The following OXR1 variants were observed in gnomAD, a reference collection of about 807,000 sequenced individuals.
OXR1 encodes the protein oxidation resistance protein 1.
A neutral mutation model predicts 104.6 loss-of-function variants in OXR1; 41 were observed. The observed-to-expected ratio is 0.39, with a 90% confidence interval of 0.31 to 0.51. The LOEUF (loss-of-function observed/expected upper bound fraction) is 0.51, where lower values mean the gene tolerates loss of function less well. Ranked by LOEUF, OXR1 falls within the 20% of genes least tolerant of loss-of-function variation. OXR1 has a pLI of 0.77. For synonymous variants in OXR1, 348 were observed against 348.4 expected (o/e 1.00, Z 0.01); for missense variants, 955 against 1,031.9 (o/e 0.93, Z 1.02).
At chr8:106,462,973 A>G (rs959467654) in intron 2 of OXR1, among the ~76,000 whole-genome samples, 1 of 152,046 alleles carries the variant, frequency 6.6e-6, no homozygotes, top group African/African-American at 2.4e-5. Flanking sequence ...ATTACACCTC[A>G]TTGTTTATTA....
rs1376373436 is a variant in OXR1, at chr8:106,284,075, A to T, written c.-139+13708A>T. On this transcript the variant is annotated intron_variant, in intron 1 of 16. Transcript: ENST00000517566. ...GTATGTGCCAGGCACTCAGCCGAAC[A>T]TGGGATACAATAAGGGGTAAAGCAA... Among the ~76,000 whole-genome samples the T allele has an allele frequency of 2.6e-5, 4 of 152,052 alleles. No individual in the cohort carries two copies. The East Asian group carries it at 7.7e-4, about 29-fold the overall frequency.
intron 2 of OXR1, among the ~76,000 whole-genome samples, chr8:106,427,890 G>A (rs1819198765): frequency 6.6e-6 from 1 of 152,116 alleles, no homozygotes; most frequent in South Asian, 2.1e-4. Context: ...GAAAATATTA[G>A]CATCTGTAGC....
intron 2 of OXR1, among the ~76,000 whole-genome samples, chr8:106,478,917 A>G (rs1393569901): frequency 6.6e-6 from 1 of 151,908 alleles, no homozygotes; most frequent in Non-Finnish European, 1.5e-5. Flanking sequence ...ATAAAGTAGG[A>G]AATTAAATTT....
intron 2 of OXR1, among the ~76,000 whole-genome samples, chr8:106,409,287 G>A (rs1480194924): frequency 1.3e-5 from 2 of 152,126 alleles, no homozygotes; most frequent in African/African-American, 4.8e-5. Flanking sequence ...AGGATGGAGA[G>A]GAGGCGAACT....
chr8:106,483,335 C>T (rs1451836799), intron 2 of OXR1, among the ~76,000 whole-genome samples: 1 of 151,786 alleles, frequency 6.6e-6, no homozygotes, highest in Non-Finnish European at 1.5e-5. Flanking sequence ...ACCATTTAAA[C>T]ATGATTGAAT....
Position 106,692,095 on chromosome 8 carries a change from A to G in OXR1, c.526-633A>G, listed in dbSNP as rs1185504254. Among the ~76,000 whole-genome samples, 4 of 151,766 alleles carry G rather than the reference A, an allele frequency of 2.6e-5. 1 individual carries two copies. On this transcript the variant is annotated intron_variant, in intron 6 of 16. Coordinates refer to ENST00000517566, the MANE Select transcript of OXR1 (RefSeq NM_001198533.2). ...ATGTTGTTTCCATTTGTTTTTCCTT[A>G]TAATTCTCTATTTTATTTTGACCAT...
chr8:106,521,686 G>C (rs1436916295), intron 3 of OXR1, among the ~76,000 whole-genome samples: 1 of 152,072 alleles, frequency 6.6e-6, no homozygotes, highest in Non-Finnish European at 1.5e-5. Context: ...CTAATTTTTT[G>C]TATTTTTGGT....
chr8:106,331,860 C>T (rs1193763567), intron 1 of OXR1, among the ~76,000 whole-genome samples: 1 of 151,828 alleles, frequency 6.6e-6, no homozygotes, highest in African/African-American at 2.4e-5. Context: ...GAATGATGAA[C>T]CCAGGAGGCA....
At chr8:106,308,332 G>A (rs899742942) in intron 1 of OXR1, among the ~76,000 whole-genome samples, 18 of 152,120 alleles carry the variant, frequency 1.2e-4, no homozygotes, top group East Asian at 1.9e-4. Context: ...GGGTGACTGC[G>A]CACATTGGTG....
intron 2 of OXR1, among the ~76,000 whole-genome samples, chr8:106,512,607 A>G (rs1256342593): frequency 6.6e-6 from 1 of 152,182 alleles, no homozygotes; most frequent in Non-Finnish European, 1.5e-5. Flanking sequence ...CAGTCATATC[A>G]TGATGTAGTT....
At chr8:106,542,811 G>A (rs1440284495) in intron 3 of OXR1, among the ~76,000 whole-genome samples, 1 of 152,038 alleles carries the variant, frequency 6.6e-6, no homozygotes, top group East Asian at 1.9e-4. Context: ...ATATAATTAT[G>A]TGTCAGTTCT....
chr8:106,712,237 G>T (rs1831772062), intron 10 of OXR1, among the ~76,000 whole-genome samples: 1 of 152,020 alleles, frequency 6.6e-6, no homozygotes, highest in Non-Finnish European at 1.5e-5. Flanking sequence ...GTGATCATCA[G>T]TGGACAACTC....
At chr8:106,667,699 TTAAAA>T (rs1162167095) in intron 3 of OXR1, among the ~76,000 whole-genome samples, 1 of 152,162 alleles carries the variant, frequency 6.6e-6, no homozygotes, top group Non-Finnish European at 1.5e-5. Context: ...AAATTAATTT[TTAAAA>T]TAAACCTGAT....
intron 3 of OXR1, among the ~76,000 whole-genome samples, chr8:106,524,356 C>G (rs1415924262): frequency 6.6e-6 from 1 of 152,154 alleles, no homozygotes; most frequent in East Asian, 1.9e-4. Context: ...CGATTGCTCC[C>G]TAAGGTATAC....
At position 106,280,835 on chromosome 8, in the gene OXR1, C is replaced by T. The variant is rs1053777638; in HGVS notation, c.-139+10468C>T. ...TAATTCTTAAAAATCAAGTGAGGGC[C>T]AGTAGGATAGTTGAGAGTAACTGGG... On this transcript the variant is annotated intron_variant, in intron 1 of 16. Coordinates refer to ENST00000517566, the MANE Select transcript of OXR1 (RefSeq NM_001198533.2). 1.2e-4 allele frequency among the ~76,000 whole-genome samples: 18 copies of T among 152,084 alleles called. No homozygotes were observed. The East Asian group carries it at 2.5e-3, about 21-fold the overall frequency.
Position 106,287,307 on chromosome 8 carries a change from T to C in OXR1, c.-139+16940T>C, listed in dbSNP as rs544596635. 4.6e-5 allele frequency among the ~76,000 whole-genome samples: 7 copies of C among 152,328 alleles called. No individual in the cohort carries two copies. In the South Asian group the frequency reaches 1.4e-3, roughly 32 times the overall value. On this transcript the variant is annotated intron_variant, in intron 1 of 16. Transcript: ENST00000517566. ...AGGTATTATTAAGATTCACTTTATC[T>C]TACATTGATACTTGTCCTGTGGATA...
At chr8:106,288,779 A>G (rs549960787) in intron 1 of OXR1, among the ~76,000 whole-genome samples, 1 of 149,220 alleles carries the variant, frequency 6.7e-6, no homozygotes, top group African/African-American at 2.4e-5. Context: ...GTATATAAAT[A>G]TATATGTGTA....
chr8:106,703,774 A>G (rs1305160985), intron 8 of OXR1, among the ~76,000 whole-genome samples: 4 of 152,056 alleles, frequency 2.6e-5, no homozygotes, highest in Non-Finnish European at 4.4e-5. Context: ...AAGGAGAAAA[A>G]GATAAAAGAT....
intron 1 of OXR1, among the ~76,000 whole-genome samples, chr8:106,335,606 C>T (rs1814928424): frequency 6.6e-6 from 1 of 152,054 alleles, no homozygotes; most frequent in African/African-American, 2.4e-5. Flanking sequence ...TACTACAGTA[C>T]ACTCTTCACT....
Sources: gnomAD v4.1 joint callset for allele counts (sites outside exome capture counted in the v4.1 genomes callset) on GRCh38, gnomAD v4.1.1 for gene constraint, MANE v1.5 for transcripts, NCBI Gene and HGNC (gene_info 2026-07-23, HGNC 2026-07-21) for gene names.